The following ANKRD12 variants were observed in gnomAD, a reference collection of about 807,000 sequenced individuals.
The protein encoded by ANKRD12 is ankyrin repeat domain-containing protein 12.
In ANKRD12, 85 loss-of-function variants were observed where a neutral mutation model predicts 183.4. The observed-to-expected ratio is 0.46, with a 90% confidence interval of 0.39 to 0.56. The LOEUF (loss-of-function observed/expected upper bound fraction) is 0.56, where lower values mean the gene tolerates loss of function less well. Among genes scored for constraint, ANKRD12 ranks in the 20% least tolerant of loss-of-function variants. The pLI, the probability that ANKRD12 is intolerant of heterozygous loss-of-function variation, is 0.00. For synonymous variants in ANKRD12, 914 were observed against 800.2 expected (o/e 1.14, Z -2.40); for missense variants, 2,405 against 2,357.1 (o/e 1.02, Z -0.42).
intron 1 of ANKRD12, among the ~76,000 whole-genome samples, chr18:9,176,072 T>C (rs1201478172): frequency 6.6e-6 from 1 of 152,220 alleles, no homozygotes; most frequent in East Asian, 1.9e-4. Context: ...TGCTGTTGTC[T>C]TGAGTTGTGT....
intron 1 of ANKRD12, among the ~76,000 whole-genome samples, chr18:9,162,833 A>G (rs1327322122): frequency 6.6e-6 from 1 of 151,972 alleles, no homozygotes; most frequent in Non-Finnish European, 1.5e-5. Flanking sequence ...TGTTGGCTGC[A>G]TGAATTCTTT....
At chr18:9,163,387 G>T (rs9944905) in intron 1 of ANKRD12, among the ~76,000 whole-genome samples, 84,259 of 151,878 alleles carry the variant, frequency 0.55, 24,559 homozygotes, top group South Asian at 0.75. Context: ...TCTCTGTTTT[G>T]TTCCATTGGT....
chr18:9,138,291 T>C (rs2078195103), intron 1 of ANKRD12, among the ~76,000 whole-genome samples: 2 of 152,200 alleles, frequency 1.3e-5, no homozygotes, highest in Non-Finnish European at 2.9e-5. Flanking sequence ...CGTGGGTAGA[T>C]CACCTGAGGT....
At chr18:9,195,806 G>A (rs1489219255) in intron 3 of ANKRD12, 108 bp downstream of exon 3, 1 of 988,830 alleles carries the variant, frequency 1.0e-6, no homozygotes, top group Non-Finnish European at 1.4e-6. Context: ...AGAAATATTT[G>A]TATTTCACTA....
At chr18:9,223,688 A>G (rs796668709) in intron 8 of ANKRD12, among the ~76,000 whole-genome samples, 46 of 152,342 alleles carry the variant, frequency 3.0e-4, no homozygotes, top group African/African-American at 1.0e-3. Context: ...ACTAGATAAC[A>G]CTGTCAAAAT....
At chr18:9,174,160 G>C (rs1210564196) in intron 1 of ANKRD12, among the ~76,000 whole-genome samples, 1 of 152,222 alleles carries the variant, frequency 6.6e-6, no homozygotes, top group Admixed American at 6.5e-5. Context: ...GAGCAGGCTA[G>C]AACAGCTGGG....
intron 8 of ANKRD12, among the ~76,000 whole-genome samples, chr18:9,240,986 T>C (rs1266293374): frequency 6.6e-6 from 1 of 152,140 alleles, no homozygotes; most frequent in East Asian, 1.9e-4. Context: ...ACTATGAAAA[T>C]ACAACTGTTG....
chr18:9,147,143 A>T (rs1390284801), intron 1 of ANKRD12, among the ~76,000 whole-genome samples: 2 of 152,208 alleles, frequency 1.3e-5, no homozygotes, highest in East Asian at 3.8e-4. Context: ...ATATTGCAGA[A>T]GCAGTGATTA....
intron 11 of ANKRD12, among the ~76,000 whole-genome samples, chr18:9,278,776 T>G (rs1002686849): frequency 1.3e-5 from 2 of 149,742 alleles, no homozygotes; most frequent in Non-Finnish European, 3.0e-5. Context: ...AGAGAGAGAC[T>G]CCATCTCAAA....
chr18:9,271,382 G>A (rs995913737), intron 10 of ANKRD12, among the ~76,000 whole-genome samples: 15 of 152,128 alleles, frequency 9.9e-5, no homozygotes, highest in Admixed American at 7.2e-4. Flanking sequence ...AAAATTAGAC[G>A]GGTGTGGCGG....
chr18:9,203,736 G>C (rs1567911773), intron 3 of ANKRD12, among the ~76,000 whole-genome samples: 1 of 151,996 alleles, frequency 6.6e-6, no homozygotes, highest in Non-Finnish European at 1.5e-5. Flanking sequence ...TCCCAAGTAG[G>C]TGGGATTACA....
At chr18:9,142,080 A>G (rs952810147) in intron 1 of ANKRD12, among the ~76,000 whole-genome samples, 1 of 152,066 alleles carries the variant, frequency 6.6e-6, no homozygotes, top group African/African-American at 2.4e-5. Flanking sequence ...TCTTATTGTA[A>G]CAATAGCAAA....
At position 9,157,652 on chromosome 18, in the gene ANKRD12, G is replaced by C. The variant is rs926256237; in HGVS notation, c.-52+20687G>C. On this transcript the variant is annotated intron_variant, in intron 1 of 12. Transcript: ENST00000262126. ...GAGTCTTGCTCTGTCTCCCAGGCTG[G>C]AGTGCAGTGGCATGATCTCGACTCA... Among the ~76,000 whole-genome samples the C allele has an allele frequency of 1.7e-4, 24 of 144,148 alleles. No homozygotes were observed. The South Asian group carries it at 2.2e-3, about 13-fold the overall frequency. The allele number at this position is 144,148 out of a possible 152,430, so 94.6% of individuals were successfully genotyped here.
chr18:9,279,267 T>C (rs2039997905), intron 11 of ANKRD12, among the ~76,000 whole-genome samples: 1 of 152,212 alleles, frequency 6.6e-6, no homozygotes, highest in South Asian at 2.1e-4. Context: ...GGCACAGTAC[T>C]TAATGTAACA....
intron 8 of ANKRD12, among the ~76,000 whole-genome samples, chr18:9,231,608 A>G (rs2037053116): frequency 1.3e-5 from 2 of 151,956 alleles, no homozygotes; most frequent in South Asian, 2.1e-4. Flanking sequence ...TGGGTGGATC[A>G]TGAGGTCAGG....
At chr18:9,206,396 A>AT (rs900802691) in intron 4 of ANKRD12, among the ~76,000 whole-genome samples, 12 of 152,082 alleles carry the variant, frequency 7.9e-5, no homozygotes, top group South Asian at 2.1e-4. Flanking sequence ...ATATATTATC[A>AT]TTTTTTTACT....
At chr18:9,253,380 A>T (rs1197514421) in intron 8 of ANKRD12, among the ~76,000 whole-genome samples, 1 of 152,200 alleles carries the variant, frequency 6.6e-6, no homozygotes, top group Non-Finnish European at 1.5e-5. Flanking sequence ...CTGTCATTCT[A>T]CTATTTCCAT....
chr18:9,217,183 C>CA (rs1301095042), intron 7 of ANKRD12, among the ~76,000 whole-genome samples: 5 of 152,164 alleles, frequency 3.3e-5, no homozygotes, highest in Non-Finnish European at 5.9e-5. Context: ...TGTGTTAAAG[C>CA]AGTCTTTATA....
intron 1 of ANKRD12, among the ~76,000 whole-genome samples, chr18:9,137,249 C>G (rs1244645376): frequency 1.4e-5 from 2 of 147,716 alleles, no homozygotes; most frequent in Non-Finnish European, 3.0e-5. Flanking sequence ...CCCGGCGTCG[C>G]GAGGAGCCGC....
Sources: gnomAD v4.1 joint callset for allele counts (sites outside exome capture counted in the v4.1 genomes callset) on GRCh38, gnomAD v4.1.1 for gene constraint, MANE v1.5 for transcripts, NCBI Gene and HGNC (gene_info 2026-07-23, HGNC 2026-07-21) for gene names.